CRACD: variants seen among roughly 807,000 people sequenced by gnomAD.
CRACD encodes capping protein inhibiting regulator of actin dynamics, also known as capping protein-inhibiting regulator of actin dynamics.
In CRACD, 56 loss-of-function variants were observed where a neutral mutation model predicts 106.8. The ratio of observed to expected loss-of-function variants is 0.52; its 90% confidence interval spans 0.42 to 0.66. The LOEUF (loss-of-function observed/expected upper bound fraction) is 0.66. CRACD is among the 30% of genes least tolerant of loss of function. CRACD has a pLI of 0.00. For missense variants in CRACD, 1,730 were observed against 1,623.2 expected (o/e 1.07, Z -1.13); for synonymous variants, 754 against 670.8 (o/e 1.12, Z -1.92).
At chr4:56,209,658 A>G (rs1227913018) in intron 2 of CRACD, among the ~76,000 whole-genome samples, 2 of 152,172 alleles carry the variant, frequency 1.3e-5, no homozygotes, top group African/African-American at 4.8e-5. Context: ...TCTCTATACC[A>G]TACAAAAATA....
chr4:56,094,147 T>C (rs1288423993), intron 1 of CRACD, among the ~76,000 whole-genome samples: 1 of 152,214 alleles, frequency 6.6e-6, no homozygotes, highest in African/African-American at 2.4e-5. Context: ...TTAAAAATTG[T>C]AGTTGAAAGG....
At position 56,314,723 on chromosome 4, in the gene CRACD, G is replaced by C; in HGVS notation, c.1221G>C (p.Glu407Asp). Residue 407 changes from glutamate to aspartate, a missense_variant, in exon 8 of 11, where the codon GAG becomes GAC. Glu to Asp is a conservative substitution (Grantham distance 45, BLOSUM62 2). This residue lies in a region of CRACD where 1,620 missense variants were observed against 1,481.6 expected (regional missense o/e 1.09). Transcript: ENST00000682029. This position sits in a 1 kb window ranked among gnomAD's most constrained non-coding sequence, Gnocchi z 4.4. ...AGGATCTGGGGGAAGAGGAGGAGGAGGGCCAGGCGCACCTGGAGGACTGGA... is the reference window on the plus strand; with the variant it reads ...AGGATCTGGGGGAAGAGGAGGAGGACGGCCAGGCGCACCTGGAGGACTGGA... Reference protein sequence around the residue: ...EEEDLGEEEEEGQAHLEDWRG... With the variant: ...EEEDLGEEEEDGQAHLEDWRG... 6.4e-7 allele frequency: 1 copy of C among 1,569,750 alleles called. No homozygotes were observed. The highest frequency in any genetic ancestry group is 8.6e-7 in the Non-Finnish European group (1 of 1,157,626).
intron 3 of CRACD, among the ~76,000 whole-genome samples, chr4:56,285,434 T>C (rs2109683674): frequency 1.0e-5 from 1 of 97,272 alleles, no homozygotes; most frequent in South Asian, 4.6e-4. Flanking sequence ...AGGGTGACAT[T>C]AGATAATAAC....
chr4:56,239,491 G>T (rs983699814), intron 2 of CRACD, among the ~76,000 whole-genome samples: 4 of 151,868 alleles, frequency 2.6e-5, no homozygotes, highest in African/African-American at 7.3e-5. Flanking sequence ...CAGAGTACAT[G>T]TTGACATGTT....
intron 2 of CRACD, among the ~76,000 whole-genome samples, chr4:56,271,924 T>C (rs1742374092): frequency 6.6e-6 from 1 of 152,076 alleles, no homozygotes; most frequent in African/African-American, 2.4e-5. Flanking sequence ...TCTTATATTT[T>C]ATAGAGATGG....
chr4:56,112,606 G>A (rs13143074), intron 1 of CRACD, among the ~76,000 whole-genome samples: 71,835 of 151,934 alleles, frequency 0.47, 18,239 homozygotes, highest in African/African-American at 0.66. Flanking sequence ...GGCTCCCCCT[G>A]TCTGAGGTCC....
At chr4:56,067,034 A>G (rs1732487058) in intron 1 of CRACD, among the ~76,000 whole-genome samples, 1 of 152,200 alleles carries the variant, frequency 6.6e-6, no homozygotes, top group South Asian at 2.1e-4. Context: ...GAATTAGCCA[A>G]GATGGTTCAG....
Position 56,249,936 on chromosome 4 carries a change from C to T in CRACD, c.-188-22385C>T, listed in dbSNP as rs546240883. Among the ~76,000 whole-genome samples the T allele has an allele frequency of 2.6e-5, 4 of 152,294 alleles. No homozygotes were observed. In the East Asian group the frequency reaches 7.7e-4, roughly 29 times the overall value. Reference sequence around the variant, plus strand: ...TGTAGGCAACCTGTGGGAGAGTTAACATTGTTTTCTCACTACCCAGAATAC... The same window carrying T: ...TGTAGGCAACCTGTGGGAGAGTTAATATTGTTTTCTCACTACCCAGAATAC... On this transcript the variant is annotated intron_variant, in intron 2 of 10. Coordinates refer to ENST00000682029, the MANE Select transcript of CRACD (RefSeq NM_001393381.1).
chr4:56,077,181 A>G (rs1438292520), intron 1 of CRACD, among the ~76,000 whole-genome samples: 1 of 152,210 alleles, frequency 6.6e-6, no homozygotes. Flanking sequence ...ATGGCTGGAG[A>G]GGCCTCAGGA....
intron 4 of CRACD, among the ~76,000 whole-genome samples, chr4:56,302,568 C>T (rs1232366853): frequency 6.6e-6 from 1 of 152,198 alleles, no homozygotes; most frequent in Non-Finnish European, 1.5e-5. Flanking sequence ...CTTACTGCAG[C>T]TGTCAAGGAC....
At chr4:56,212,227 A>G (rs1251630484) in intron 2 of CRACD, among the ~76,000 whole-genome samples, 2 of 152,218 alleles carry the variant, frequency 1.3e-5, no homozygotes, top group African/African-American at 4.8e-5. Flanking sequence ...CAGCACCATT[A>G]TAGTTTACAA....
At chr4:56,134,246 G>A (rs1734925466) in intron 1 of CRACD, among the ~76,000 whole-genome samples, 1 of 151,978 alleles carries the variant, frequency 6.6e-6, no homozygotes, top group South Asian at 2.1e-4. Context: ...AGACATTTTG[G>A]ACAGTCAAAT....
chr4:56,314,559 A>G lies in CRACD; in HGVS notation c.1057A>G (p.Arg353Gly). 6.6e-7 allele frequency: 1 copy of G among 1,507,738 alleles called. No homozygotes were observed. The highest frequency in any genetic ancestry group is 1.3e-5 in the South Asian group (1 of 77,280). The allele number at this position is 1,507,738 out of a possible 1,614,324, so 93.4% of individuals were successfully genotyped here. A position where few individuals can be genotyped will look rare whatever the true frequency, so the allele number is the denominator to read the frequency against. The stretch of plus-strand genomic sequence containing the variant: ...GAGGCGGCAGGAGGAGGAGGAAGGA[A>G]GATGCGCGGAGGAGCTCAAAAGGCA... ...ERRRQEEEEG[R>G]CAEELKRQEE... Residue 353 changes from arginine to glycine, a missense_variant, in exon 8 of 11, where the codon AGA becomes GGA. Around this residue, in one of 5 missense-constraint regions of CRACD, gnomAD observed 1,620 missense variants for 1,481.6 expected, o/e 1.09. Transcript: ENST00000682029. The surrounding 1 kb of genome is among the most constrained non-coding windows in gnomAD (Gnocchi z 4.4).
chr4:56,278,174 G>A (rs994926317), intron 3 of CRACD, among the ~76,000 whole-genome samples: 1 of 152,080 alleles, frequency 6.6e-6, no homozygotes, highest in Non-Finnish European at 1.5e-5. Context: ...AATTCATATG[G>A]AATTGCAGGG....
intron 2 of CRACD, among the ~76,000 whole-genome samples, chr4:56,241,893 A>G (rs1439909001): frequency 6.6e-6 from 1 of 152,202 alleles, no homozygotes; most frequent in African/African-American, 2.4e-5. Flanking sequence ...CGTGAGCAAA[A>G]CTAGGAGGCT....
At chr4:56,269,985 T>C (rs1022597294) in intron 2 of CRACD, among the ~76,000 whole-genome samples, 3 of 152,332 alleles carry the variant, frequency 2.0e-5, no homozygotes, top group East Asian at 3.9e-4. Context: ...CCTAGCACAA[T>C]GCGTATGTAT....
At chr4:56,162,474 T>G (rs909813063) in intron 1 of CRACD, among the ~76,000 whole-genome samples, 9 of 152,198 alleles carry the variant, frequency 5.9e-5, no homozygotes, top group African/African-American at 2.2e-4. Flanking sequence ...GCCAAAGCAC[T>G]GGGATTATAA....
intron 1 of CRACD, among the ~76,000 whole-genome samples, chr4:56,155,106 G>C (rs1735723486): frequency 6.6e-6 from 1 of 151,974 alleles, no homozygotes; most frequent in Admixed American, 6.6e-5. Context: ...AATCTTAGTG[G>C]CTTGCAAGAA....
chr4:56,160,567 G>T (rs1735917385), intron 1 of CRACD, among the ~76,000 whole-genome samples: 1 of 152,224 alleles, frequency 6.6e-6, no homozygotes, highest in Non-Finnish European at 1.5e-5. Context: ...GAAGACAGAT[G>T]CTGCATGATG....
Sources: allele counts gnomAD v4.1 joint callset (sites outside exome capture counted in the v4.1 genomes callset), GRCh38; gene constraint gnomAD v4.1.1; regional missense constraint gnomAD v4.1.1; non-coding constraint Gnocchi (gnomAD v3.1); transcripts MANE v1.5; gene names NCBI Gene and HGNC (gene_info 2026-07-23, HGNC 2026-07-21).